Variants in ASH1L observed in about 807,000 individuals in gnomAD.
ASH1L encodes ASH1 like histone lysine methyltransferase.
A neutral mutation model predicts 269.0 loss-of-function variants in ASH1L; 23 were observed. The observed-to-expected ratio is 0.09, with a 90% CI of 0.06 to 0.12. The LOEUF is 0.12. ASH1L is among the 10% of genes least tolerant of loss of function. The pLI is 1.00. For missense variants in ASH1L, 2,912 were observed against 3,567.8 expected, an observed-to-expected ratio of 0.82 and a Z score of 4.68; for synonymous variants, 1,187 against 1,253.5, an observed-to-expected ratio of 0.95 and a Z score of 1.12.
intron 6 of ASH1L, among the ~76,000 whole-genome samples, chr1:155,398,284 G>C (rs1473481100): frequency 6.6e-6 from 1 of 152,130 alleles, no homozygotes; most frequent in Non-Finnish European, 1.5e-5. Flanking sequence ...GAAATATAAA[G>C]TCATTTGTCA....
intron 3 of ASH1L, among the ~76,000 whole-genome samples, chr1:155,472,276 A>G (rs1263999148): frequency 6.6e-6 from 1 of 152,158 alleles, no homozygotes; most frequent in African/African-American, 2.4e-5. Flanking sequence ...GATGACAGAG[A>G]GAGACTCCAT....
intron 3 of ASH1L, among the ~76,000 whole-genome samples, chr1:155,470,113 G>C (rs574106868): frequency 6.6e-6 from 1 of 152,212 alleles, no homozygotes; most frequent in African/African-American, 2.4e-5. Context: ...GACCTTTAAA[G>C]TCAGTCCCTC....
At chr1:155,531,532 T>C (rs1021095300) in intron 1 of ASH1L, among the ~76,000 whole-genome samples, 1 of 152,096 alleles carries the variant, frequency 6.6e-6, no homozygotes, top group Non-Finnish European at 1.5e-5. Flanking sequence ...AGAAACATGA[T>C]TCTCATTTTA....
intron 5 of ASH1L, among the ~76,000 whole-genome samples, chr1:155,419,179 T>C (rs971558125): frequency 6.6e-6 from 1 of 151,926 alleles, no homozygotes; most frequent in African/African-American, 2.4e-5. Flanking sequence ...CGCAGGAGGA[T>C]TGCTTGAGCC....
intron 2 of ASH1L, among the ~76,000 whole-genome samples, chr1:155,514,947 A>G (rs748522444): frequency 6.6e-6 from 1 of 152,186 alleles, no homozygotes; most frequent in African/African-American, 2.4e-5. Context: ...AGTGGATTTT[A>G]TATCACAACC....
At chr1:155,487,382 T>G (rs894159881) in intron 2 of ASH1L, among the ~76,000 whole-genome samples, 1 of 151,904 alleles carries the variant, frequency 6.6e-6, no homozygotes, top group Admixed American at 6.6e-5. Context: ...TCATACTACT[T>G]TTTTATTTTT....
rs143678039 is a variant in ASH1L at position 155,354,994 on chromosome 1, C to T, written c.7056-364G>A. The stretch of plus-strand genomic sequence containing the variant: ...GGACTGGCAAATGAAGGCAAAGACA[C>T]GTAAGATGGATACGCACTGGGCAAA... On this transcript the variant is annotated intron_variant, in intron 15 of 27. Transcript: ENST00000392403. 1.3e-3 allele frequency among the ~76,000 whole-genome samples: 193 copies of T among 152,272 alleles called. 2 individuals carry two copies. Among genetic ancestry groups the T allele is most frequent in the African/African-American group, 4.4e-3 (184 of 41,568 alleles).
Position 155,521,425 on chromosome 1 carries a change from A to C in ASH1L, c.95T>G (p.Val32Gly). The change falls in exon 2 of 28, where the codon GTC becomes GGC. Residue 32 changes from valine (V) to glycine (G), a missense_variant. This residue lies in a region of ASH1L where 115 missense variants were observed against 101.5 expected (regional missense o/e 1.13). Transcript: ENST00000392403. The stretch of plus-strand genomic sequence containing the variant: ...TTCTAGCTCTACTTCTCTCTTACTG[A>C]CCAATGTGCCAGTACTGATGGCAGA... ...SPSAISTGTL[V>G]SKREVELEKN... is the part of the protein sequence containing the mutation. 1 of 1,613,766 alleles carries C rather than the reference A, an allele frequency of 6.2e-7. No individual in the cohort carries two copies. Among genetic ancestry groups the C allele is most frequent in the Non-Finnish European group, 8.5e-7 (1 of 1,179,924 alleles).
At chr1:155,452,365 G>C (rs1340574594) in intron 4 of ASH1L, among the ~76,000 whole-genome samples, 1 of 151,760 alleles carries the variant, frequency 6.6e-6, no homozygotes, top group Non-Finnish European at 1.5e-5. Flanking sequence ...TCTGTATTTT[G>C]CCACAATTAA....
chr1:155,341,911 G>A, intron 25 of ASH1L, 25 bp downstream of exon 25: 1 of 1,610,638 alleles, frequency 6.2e-7, no homozygotes, highest in Non-Finnish European at 8.5e-7. Context: ...CTAACATGTA[G>A]TGTTAAGAAA....
chr1:155,354,166 C>T (rs527324510), intron 16 of ASH1L, among the ~76,000 whole-genome samples: 5 of 152,368 alleles, frequency 3.3e-5, no homozygotes, highest in Admixed American at 6.5e-5. Context: ...TGGTGGCTTA[C>T]GCCTGTAATC....
intron 6 of ASH1L, among the ~76,000 whole-genome samples, chr1:155,410,810 TG>T (rs1407398186): frequency 1.3e-5 from 2 of 150,300 alleles, no homozygotes; most frequent in Non-Finnish European, 3.0e-5. Context: ...CTTGCTATGT[TG>T]CCCAGGTTGG....
chr1:155,413,881 T>C (rs1660002628), intron 6 of ASH1L, among the ~76,000 whole-genome samples: 1 of 152,170 alleles, frequency 6.6e-6, no homozygotes. Flanking sequence ...CTTTTTAAAG[T>C]CTTGGTTATT....
intron 4 of ASH1L, among the ~76,000 whole-genome samples, chr1:155,448,772 G>A (rs1448076622): frequency 2.6e-5 from 4 of 152,104 alleles, no homozygotes; most frequent in African/African-American, 9.7e-5. Flanking sequence ...TGGGATTACA[G>A]GCGTGAGCAA....
At chr1:155,529,986 A>T (rs1281148232) in intron 1 of ASH1L, among the ~76,000 whole-genome samples, 2 of 152,044 alleles carry the variant, frequency 1.3e-5, no homozygotes, top group Non-Finnish European at 2.9e-5. Context: ...AAAAAATAAA[A>T]AAAAAAGAAG....
At chr1:155,406,173 C>G (rs1170073157) in intron 6 of ASH1L, among the ~76,000 whole-genome samples, 1 of 143,246 alleles carries the variant, frequency 7.0e-6, no homozygotes, top group East Asian at 2.0e-4. Context: ...CACTGCACTC[C>G]AGCCTGGGCG....
intron 1 of ASH1L, among the ~76,000 whole-genome samples, chr1:155,552,295 G>A (rs1281591347): frequency 2.0e-5 from 3 of 151,894 alleles, no homozygotes; most frequent in Non-Finnish European, 2.9e-5. Context: ...GTGAAACCCC[G>A]TCTCTACTAA....
At chr1:155,550,966 T>G (rs1397577833) in intron 1 of ASH1L, among the ~76,000 whole-genome samples, 1 of 151,840 alleles carries the variant, frequency 6.6e-6, no homozygotes, top group Admixed American at 6.6e-5. Context: ...GGACTACAGG[T>G]ATGTGCCACA....
intron 7 of ASH1L, among the ~76,000 whole-genome samples, chr1:155,390,655 CTTTTT>C (rs910971823): frequency 1.1e-5 from 1 of 91,456 alleles, no homozygotes; most frequent in Admixed American, 1.3e-4. Flanking sequence ...TTTTTTCTTT[CTTTTT>C]TTTGAGACGG....
Sources: allele counts gnomAD v4.1 joint callset (sites outside exome capture counted in the v4.1 genomes callset), GRCh38; gene constraint gnomAD v4.1.1; regional missense constraint gnomAD v4.1.1; transcripts MANE v1.5; gene names NCBI Gene and HGNC (gene_info 2026-07-23, HGNC 2026-07-21).